RAP1GAP2: variants seen among roughly 807,000 people sequenced by gnomAD.
RAP1GAP2 encodes the protein RAP1 GTPase activating protein 2.
In RAP1GAP2, 27 loss-of-function variants were observed where a neutral mutation model predicts 95.0. The observed-to-expected ratio is 0.28, with a 90% confidence interval of 0.21 to 0.39. The LOEUF (loss-of-function observed/expected upper bound fraction) is 0.39, where lower values mean the gene tolerates loss of function less well. Among genes scored for constraint, RAP1GAP2 ranks in the 10% least tolerant of loss-of-function variants. RAP1GAP2 has a pLI of 1.00. For missense variants in RAP1GAP2, 771 were observed against 970.0 expected, an observed-to-expected ratio of 0.79 and a Z score of 2.72; for synonymous variants, 373 against 380.9, an observed-to-expected ratio of 0.98 and a Z score of 0.24.
chr17:2,914,060 A>C (rs893465665), intron 3 of RAP1GAP2, among the ~76,000 whole-genome samples: 13 of 152,008 alleles, frequency 8.6e-5, no homozygotes, highest in African/African-American at 3.1e-4. Flanking sequence ...TTTAATAGGG[A>C]CGGGGTTTCA....
At position 2,867,921 on chromosome 17, in the gene RAP1GAP2, A is replaced by G. The variant is rs186599842; in HGVS notation, c.81-37363A>G. ...ATGAGGTGTGCTTTCTTCTTCACGG[A>G]TGCAGCTCGCGGGATCCCCAAGCCT... is the stretch of plus-strand genomic sequence containing the variant. On this transcript the variant is annotated intron_variant, in intron 2 of 24. Coordinates refer to ENST00000254695, the MANE Select transcript of RAP1GAP2 (RefSeq NM_015085.5). The surrounding 1 kb of genome is among the most constrained non-coding windows in gnomAD (Gnocchi z 4.5). 6.6e-6 allele frequency among the ~76,000 whole-genome samples: 1 copy of G among 152,192 alleles called. No individual in the cohort carries two copies. The highest frequency in any genetic ancestry group is 1.9e-4 in the East Asian group (1 of 5,184).
rs527348141 is a variant in RAP1GAP2 at position 2,904,299 on chromosome 17, C to T, written c.81-985C>T. Among the ~76,000 whole-genome samples the T allele has an allele frequency of 7.2e-5, 11 of 152,238 alleles. No individual in the cohort carries two copies. The South Asian group carries it at 1.7e-3, about 23-fold the overall frequency. On this transcript the variant is annotated intron_variant, in intron 2 of 24. Coordinates refer to ENST00000254695, the MANE Select transcript of RAP1GAP2 (RefSeq NM_015085.5). This position sits in a 1 kb window ranked among gnomAD's most constrained non-coding sequence, Gnocchi z 4.7. ...TCTGAAGGCTGATCCCATGCCAAAC[C>T]GTCTGCTTGGTGATGGGACCGCACA... is the stretch of plus-strand genomic sequence containing the variant.
At chr17:3,002,340 C>G (rs377129138) in intron 14 of RAP1GAP2, among the ~76,000 whole-genome samples, 1 of 152,170 alleles carries the variant, frequency 6.6e-6, no homozygotes, top group Non-Finnish European at 1.5e-5. Flanking sequence ...CAGGGCTTCC[C>G]GGAGGAGCAG....
At chr17:2,879,229 C>T (rs1277974266) in intron 2 of RAP1GAP2, among the ~76,000 whole-genome samples, 4 of 151,982 alleles carry the variant, frequency 2.6e-5, no homozygotes, top group Admixed American at 6.5e-5. Context: ...GATTTTCCTG[C>T]CTCGGCCTCC....
Position 2,870,537 on chromosome 17 carries a change from AG to A in RAP1GAP2, c.81-34744del, listed in dbSNP as rs1410446222. On this transcript the variant is annotated intron_variant, in intron 2 of 24. Transcript: ENST00000254695. The surrounding 1 kb of genome is among the most constrained non-coding windows in gnomAD (Gnocchi z 4.4). ...AATAAAAATCACCTTCAGTCCCACA[AG>A]GGAGACTGTAGAGATATTAACGTTT... Among the ~76,000 whole-genome samples, 1 of 152,248 alleles carries A rather than the reference AG, an allele frequency of 6.6e-6. No homozygotes were observed. Among genetic ancestry groups the A allele is most frequent in the Non-Finnish European group, 1.5e-5 (1 of 68,044 alleles).
Position 2,963,919 on chromosome 17 carries a change from G to A in RAP1GAP2, c.343G>A (p.Glu115Lys), listed in dbSNP as rs746815636. Reference sequence around the variant, plus strand: ...GCCACAGTTTGGGGGCTATTGGATCGAGGACCCGGAGAACGTGGGCACCCC... The same window carrying A: ...GCCACAGTTTGGGGGCTATTGGATCAAGGACCCGGAGAACGTGGGCACCCC... ...ILPQFGGYWI[E>K]DPENVGTPTS... The change falls in exon 7 of 25, where the codon GAG becomes AAG. Residue 115 changes from glutamate (E) to lysine (K), a missense_variant. Coordinates refer to ENST00000254695, the MANE Select transcript of RAP1GAP2 (RefSeq NM_015085.5). The surrounding 1 kb of genome is among the most constrained non-coding windows in gnomAD (Gnocchi z 4.8). 3 of 1,613,256 alleles carry A rather than the reference G, an allele frequency of 1.9e-6. No homozygotes were observed. The highest frequency in any genetic ancestry group is 2.5e-6 in the Non-Finnish European group (3 of 1,179,792).
At chr17:2,916,374 G>A (rs1240974901) in intron 3 of RAP1GAP2, among the ~76,000 whole-genome samples, 2 of 152,176 alleles carry the variant, frequency 1.3e-5, no homozygotes, top group Non-Finnish European at 2.9e-5. Context: ...GTTCAACAAA[G>A]CACCGTAGGC....
intron 3 of RAP1GAP2, among the ~76,000 whole-genome samples, chr17:2,955,149 C>G (rs958717873): frequency 6.6e-6 from 1 of 152,076 alleles, no homozygotes; most frequent in African/African-American, 2.4e-5. Context: ...TCCTGGGGGT[C>G]GAATTGCTGA....
chr17:3,004,039 G>A lies in RAP1GAP2; in HGVS notation c.1201-1330G>A, dbSNP rs2046255000. 6.6e-6 allele frequency among the ~76,000 whole-genome samples: 1 copy of A among 152,152 alleles called. No individual in the cohort carries two copies. The highest frequency in any genetic ancestry group is 6.5e-5 in the Admixed American group (1 of 15,278). On this transcript the variant is annotated intron_variant, in intron 14 of 24. Coordinates refer to ENST00000254695, the MANE Select transcript of RAP1GAP2 (RefSeq NM_015085.5). This position sits in a 1 kb window ranked among gnomAD's most constrained non-coding sequence, Gnocchi z 4.1. ...AGTGGGGTGGGAAGGGCAGAGCTGG[G>A]GCTGCCCTCTGGCCTCTGTCCCAGG...
At chr17:2,756,203 C>A (rs1254871513) in intron 1 of RAP1GAP2, among the ~76,000 whole-genome samples, 2 of 152,250 alleles carry the variant, frequency 1.3e-5, no homozygotes, top group African/African-American at 2.4e-5. Context: ...CCACCCACAG[C>A]CCCCAACCCC....
At chr17:2,929,202 C>A (rs527798961) in intron 3 of RAP1GAP2, among the ~76,000 whole-genome samples, 3 of 152,298 alleles carry the variant, frequency 2.0e-5, no homozygotes, top group Admixed American at 1.3e-4. Flanking sequence ...CACTGTACTC[C>A]AGCCTGGGCG....
chr17:2,860,592 A>ATTTTT (rs2072339402), intron 2 of RAP1GAP2, among the ~76,000 whole-genome samples: 1 of 121,540 alleles, frequency 8.2e-6, no homozygotes, highest in Non-Finnish European at 1.7e-5. Flanking sequence ...ATACTTATTT[A>ATTTTT]TCTTTTTTTT....
Position 3,027,544 on chromosome 17 carries a change from A to G in RAP1GAP2, c.2107+474A>G, listed in dbSNP as rs1423914715. Among the ~76,000 whole-genome samples, 1 of 152,012 alleles carries G rather than the reference A, an allele frequency of 6.6e-6. No homozygotes were observed. The highest frequency in any genetic ancestry group is 1.5e-5 in the Non-Finnish European group (1 of 68,002). ...GAGAGGAGAGAGCGGGTATTCCGGA[A>G]CTGCACGTGTTCATGGCAGCTGGGT... On this transcript the variant is annotated intron_variant, in intron 22 of 24. Coordinates refer to ENST00000254695, the MANE Select transcript of RAP1GAP2 (RefSeq NM_015085.5). The surrounding 1 kb of genome is among the most constrained non-coding windows in gnomAD (Gnocchi z 5.2).
At chr17:2,888,702 A>G (rs1597518863) in intron 2 of RAP1GAP2, among the ~76,000 whole-genome samples, 1 of 130,046 alleles carries the variant, frequency 7.7e-6, no homozygotes, top group East Asian at 2.2e-4. Context: ...ACCAGGCTGG[A>G]GCGTATTGGT....
intron 8 of RAP1GAP2, among the ~76,000 whole-genome samples, chr17:2,969,181 A>ATCTATCTATCTGTC (rs146508761): frequency 6.8e-6 from 1 of 147,006 alleles, no homozygotes; most frequent in Non-Finnish European, 1.5e-5. Flanking sequence ...CTATCTATCT[A>ATCTATCTATCTGTC]TATATATATA....
At chr17:2,774,230 T>A (rs912638784), upstream of RAP1GAP2, among the ~76,000 whole-genome samples, 3 of 152,096 alleles carry the variant, frequency 2.0e-5, no homozygotes, top group African/African-American at 7.2e-5. Flanking sequence ...ACGCTTACAT[T>A]TTGAGGCTGC....
At position 2,998,089 on chromosome 17, in the gene RAP1GAP2, C is replaced by G. The variant is rs150075791; in HGVS notation, c.1045-132C>G. The G allele has an allele frequency of 4.7e-6, 5 of 1,063,156 alleles. No individual in the cohort carries two copies. The Admixed American group carries it at 8.6e-5, about 18-fold the overall frequency. The allele number at this position is 1,063,156 out of a possible 1,614,324, so 65.9% of individuals were successfully genotyped here. On this transcript the variant is annotated intron_variant, in intron 13 of 24. Transcript: ENST00000254695. ...TGCTTTCATACTTAAACTTCCAAAA[C>G]AACAACCACGAACTCTTCTCACTCA... is the stretch of plus-strand genomic sequence containing the variant.
At chr17:2,843,266 G>A (rs1597418101) in intron 2 of RAP1GAP2, among the ~76,000 whole-genome samples, 1 of 151,654 alleles carries the variant, frequency 6.6e-6, no homozygotes, top group South Asian at 2.1e-4. Flanking sequence ...GGTCTATGGT[G>A]GAGAAACAAC....
intron 1 of RAP1GAP2, among the ~76,000 whole-genome samples, chr17:2,780,702 C>T (rs1267873704): frequency 6.6e-6 from 1 of 152,238 alleles, no homozygotes; most frequent in Non-Finnish European, 1.5e-5. Context: ...CTGGGAGACC[C>T]AGCAGCCGCC....
Sources: gnomAD v4.1 joint callset for allele counts (sites outside exome capture counted in the v4.1 genomes callset) on GRCh38, gnomAD v4.1.1 for gene constraint, Gnocchi (gnomAD v3.1) non-coding constraint, MANE v1.5 for transcripts, NCBI Gene and HGNC (gene_info 2026-07-23, HGNC 2026-07-21) for gene names.